ADGRA3: variants seen among roughly 807,000 people sequenced by gnomAD.
The protein encoded by ADGRA3 is G-protein coupled receptor 125.
A neutral mutation model predicts 119.8 loss-of-function variants in ADGRA3; 56 were observed. The observed-to-expected ratio is 0.47, with a 90% CI of 0.38 to 0.58. The LOEUF (loss-of-function observed/expected upper bound fraction) is 0.58. ADGRA3 is among the 20% of genes least tolerant of loss of function. The pLI, the probability that ADGRA3 is intolerant of heterozygous loss-of-function variation, is 0.00. For synonymous variants in ADGRA3, 607 were observed against 623.8 expected (o/e 0.97, Z 0.40); for missense variants, 1,516 against 1,649.0 (o/e 0.92, Z 1.40).
chr4:22,507,543 G>A (rs75931747), intron 1 of ADGRA3, among the ~76,000 whole-genome samples: 3,054 of 152,190 alleles, frequency 0.02, 85 homozygotes, highest in East Asian at 0.12. Flanking sequence ...ACAGAAGCTG[G>A]AGCTGCACTG....
At chr4:22,392,827 C>G in intron 16 of ADGRA3, 137 bp from the exon 17 acceptor site, 2 of 675,992 alleles carry the variant, frequency 3.0e-6, no homozygotes, top group Non-Finnish European at 4.9e-6. Flanking sequence ...CTGTTGCCTG[C>G]TAAGGCAACA....
chr4:22,465,522 C>T (rs1717624413), intron 2 of ADGRA3, among the ~76,000 whole-genome samples: 1 of 152,214 alleles, frequency 6.6e-6, no homozygotes. Context: ...AAATGGTGAG[C>T]CCCTGGATCC....
At chr4:22,434,420 G>A (rs1716313463) in intron 10 of ADGRA3, among the ~76,000 whole-genome samples, 1 of 151,960 alleles carries the variant, frequency 6.6e-6, no homozygotes, top group Non-Finnish European at 1.5e-5. Context: ...CCAAGTCAGG[G>A]CCACATTGTA....
At chr4:22,489,983 T>C (rs1718567279) in intron 1 of ADGRA3, among the ~76,000 whole-genome samples, 1 of 152,240 alleles carries the variant, frequency 6.6e-6, no homozygotes, top group South Asian at 2.1e-4. Flanking sequence ...TGGTTACCCT[T>C]AACTCCTGAA....
intron 1 of ADGRA3, among the ~76,000 whole-genome samples, chr4:22,480,840 T>C (rs1718238126): frequency 6.6e-6 from 1 of 152,144 alleles, no homozygotes; most frequent in Non-Finnish European, 1.5e-5. Flanking sequence ...GAGGAAGCAC[T>C]TTAGGTATTC....
intron 1 of ADGRA3, among the ~76,000 whole-genome samples, chr4:22,498,765 T>G (rs79109222): frequency 2.0e-5 from 3 of 151,624 alleles, no homozygotes; most frequent in African/African-American, 7.3e-5. Flanking sequence ...AATACAAAAA[T>G]TAGCCAGGCG....
chr4:22,418,227 C>A (rs1715506197), intron 12 of ADGRA3, among the ~76,000 whole-genome samples: 1 of 152,124 alleles, frequency 6.6e-6, no homozygotes, highest in African/African-American at 2.4e-5. Flanking sequence ...CCAACTGAAG[C>A]CAGGTATGAA....
At chr4:22,435,019 T>TA (rs1356102773) in intron 10 of ADGRA3, among the ~76,000 whole-genome samples, 3 of 152,180 alleles carry the variant, frequency 2.0e-5, no homozygotes, top group African/African-American at 7.2e-5. Flanking sequence ...CAGCTCTGCC[T>TA]AAGCCACAAC....
chr4:22,498,668 C>T (rs2109164550), intron 1 of ADGRA3, among the ~76,000 whole-genome samples: 1 of 152,206 alleles, frequency 6.6e-6, no homozygotes, highest in Admixed American at 6.5e-5. Flanking sequence ...GTAATCCCAG[C>T]ACTTTGGGAG....
chr4:22,419,833 C>G (rs939166669), intron 12 of ADGRA3, among the ~76,000 whole-genome samples: 1 of 152,026 alleles, frequency 6.6e-6, no homozygotes, highest in Non-Finnish European at 1.5e-5. Context: ...GAGTGTGGCA[C>G]AGTGCATCAA....
chr4:22,507,701 A>G (rs377306108), intron 1 of ADGRA3, among the ~76,000 whole-genome samples: 6 of 152,218 alleles, frequency 3.9e-5, no homozygotes, highest in Non-Finnish European at 8.8e-5. Context: ...CCCTGTCATC[A>G]TATCAGAAAA....
At chr4:22,446,613 C>T (rs1423184129) in intron 5 of ADGRA3, among the ~76,000 whole-genome samples, 1 of 151,998 alleles carries the variant, frequency 6.6e-6, no homozygotes, top group African/African-American at 2.4e-5. Flanking sequence ...CTATTAGCTA[C>T]ATCCCAAGGA....
intron 14 of ADGRA3, among the ~76,000 whole-genome samples, chr4:22,408,357 AG>A (rs1448671053): frequency 6.8e-6 from 1 of 146,708 alleles, no homozygotes; most frequent in Non-Finnish European, 1.5e-5. Flanking sequence ...GGAAAAAAAA[AG>A]GCATGAACTG....
intron 7 of ADGRA3, among the ~76,000 whole-genome samples, chr4:22,440,869 G>C (rs1290208910): frequency 6.6e-6 from 1 of 152,160 alleles, no homozygotes; most frequent in Non-Finnish European, 1.5e-5. Context: ...GTGTAACAAT[G>C]AATATATCAT....
Position 22,491,969 on chromosome 4 carries a change from T to C in ADGRA3, c.258-18126A>G, listed in dbSNP as rs190992557. On this transcript the variant is annotated intron_variant, in intron 1 of 18. Coordinates refer to ENST00000334304, the MANE Select transcript of ADGRA3 (RefSeq NM_145290.4). ...CCAATCGTCAGATCAATTGCAAATG[T>C]ATAAAGCTACTCTTAGCTACATAAA... Among the ~76,000 whole-genome samples, 17 of 152,352 alleles carry C rather than the reference T, an allele frequency of 1.1e-4. No individual in the cohort carries two copies. The East Asian group carries it at 3.3e-3, about 29-fold the overall frequency.
At chr4:22,481,801 A>G (rs78731622) in intron 1 of ADGRA3, among the ~76,000 whole-genome samples, 16,848 of 152,252 alleles carry the variant, frequency 0.11, 1,005 homozygotes, top group Middle Eastern at 0.14. Context: ...GATCTTTTAC[A>G]GAAAAAGTTT....
intron 4 of ADGRA3, among the ~76,000 whole-genome samples, chr4:22,448,059 A>G (rs1197982721): frequency 6.6e-6 from 1 of 152,126 alleles, no homozygotes; most frequent in African/African-American, 2.4e-5. Context: ...TCTCTAGTCT[A>G]TCCTGTGTTA....
chr4:22,453,210 A>AG (rs1220032202), intron 4 of ADGRA3, among the ~76,000 whole-genome samples: 1 of 72,974 alleles, frequency 1.4e-5, no homozygotes, highest in Non-Finnish European at 3.8e-5. Context: ...CAAAAAAAAA[A>AG]AAAAAAAGAA....
Position 22,388,529 on chromosome 4 carries a change from C to G in ADGRA3, c.3142G>C (p.Val1048Leu). 2 of 1,614,102 alleles carry G rather than the reference C, an allele frequency of 1.2e-6. No individual in the cohort carries two copies. The highest frequency in any genetic ancestry group is 1.7e-6 in the Non-Finnish European group (2 of 1,180,002). ...GCAAGTCTAACATCCTCCCTATTAA[C>G]ACAATGGTGGACCACGAAGAACGCA... Reference protein sequence around the residue: ...FSAFFVVHHCVNREDVRLAWI... With the variant: ...FSAFFVVHHCLNREDVRLAWI... Residue 1048 changes from valine to leucine, a missense_variant, in exon 19 of 19, where the codon GTT (valine) becomes CTT (leucine). This residue lies in a region of ADGRA3 where 1,088 missense variants were observed against 1,107.1 expected (regional missense o/e 0.98). Transcript: ENST00000334304.
Sources: allele counts gnomAD v4.1 joint callset (sites outside exome capture counted in the v4.1 genomes callset), GRCh38; gene constraint gnomAD v4.1.1; regional missense constraint gnomAD v4.1.1; transcripts MANE v1.5; gene names NCBI Gene and HGNC (gene_info 2026-07-23, HGNC 2026-07-21).